The following CAMSAP1 variants were observed in gnomAD, a reference collection of about 807,000 sequenced individuals.
CAMSAP1 encodes the protein calmodulin regulated spectrin associated protein 1.
CAMSAP1 carries 58 observed loss-of-function variants against 143.5 expected under a neutral mutation model. The observed-to-expected ratio is 0.40, with a 90% CI of 0.33 to 0.50. The LOEUF is 0.50. Among genes scored for constraint, CAMSAP1 ranks in the 20% least tolerant of loss-of-function variants. The pLI is 0.45. For missense variants in CAMSAP1, 1,969 were observed against 2,115.7 expected (o/e 0.93, Z 1.36); for synonymous variants, 945 against 859.3 (o/e 1.10, Z -1.74).
intron 2 of CAMSAP1, 48 bp from the exon 3 acceptor site, chr9:135,881,842 C>T: frequency 6.5e-7 from 1 of 1,543,288 alleles, no homozygotes. Context: ...ACCCCTCTTA[C>T]CAGGTTCTGA....
intron 5 of CAMSAP1, among the ~76,000 whole-genome samples, chr9:135,859,188 C>A (rs1837083076): frequency 6.6e-6 from 1 of 152,218 alleles, no homozygotes; most frequent in African/African-American, 2.4e-5. Flanking sequence ...TGCAGTCTCA[C>A]CTGTGGCCTT....
At chr9:135,842,481 T>C (rs142215672) in intron 7 of CAMSAP1, among the ~76,000 whole-genome samples, 26 of 152,106 alleles carry the variant, frequency 1.7e-4, no homozygotes, top group African/African-American at 6.3e-4. Context: ...AACATTCAAA[T>C]TCAGGAAATA....
chr9:135,852,195 C>G (rs900048133), intron 5 of CAMSAP1, among the ~76,000 whole-genome samples: 4 of 152,224 alleles, frequency 2.6e-5, no homozygotes, highest in African/African-American at 9.6e-5. Context: ...TTTTTCTTAC[C>G]GATTCTAGAA....
In CAMSAP1 at chr9:135,907,252, C is replaced by G. The variant is rs1426980343; in HGVS notation, c.-93G>C. 4.7e-6 allele frequency: 4 copies of G among 853,302 alleles called. No homozygotes were observed. Among genetic ancestry groups the G allele is most frequent in the African/African-American group, 1.9e-5 (1 of 54,014 alleles). 52.9% of individuals were successfully genotyped at this position (853,302 alleles called of 1,614,324 possible). ...GCCCGGTGCGCCCCGAGCCACCACT[C>G]GGCCCCGCAGCCGGCCAGCCGGGAG... On this transcript the variant is annotated 5_prime_UTR_variant, in exon 1 of 17. Transcript: ENST00000389532.
chr9:135,867,263 AT>A (rs1184156636), intron 3 of CAMSAP1, among the ~76,000 whole-genome samples: 3 of 152,090 alleles, frequency 2.0e-5, no homozygotes, highest in African/African-American at 7.3e-5. Flanking sequence ...GACAAAAAAA[AT>A]ATAGATAATG....
intron 7 of CAMSAP1, 95 bp downstream of exon 7, chr9:135,850,042 G>T: frequency 2.0e-6 from 2 of 1,003,478 alleles, no homozygotes; most frequent in Non-Finnish European, 2.9e-6. Context: ...CAAGAACTCT[G>T]CTGTGCGAGA....
intron 10 of CAMSAP1, 43 bp from the exon 11 acceptor site, chr9:135,823,303 C>T (rs1189538182): frequency 6.6e-7 from 1 of 1,513,236 alleles, no homozygotes; most frequent in Non-Finnish European, 8.8e-7. Flanking sequence ...GCGGTATACA[C>T]CAAAGACCCC....
chr9:135,821,916 G>A lies in CAMSAP1; in HGVS notation c.2745C>T (p.Phe915=). 1.2e-6 allele frequency: 2 copies of A among 1,613,598 alleles called. No homozygotes were observed. Among genetic ancestry groups the A allele is most frequent in the Non-Finnish European group, 1.7e-6 (2 of 1,179,820 alleles). ...RQRLKLGKAA[F]LHVVKKGKAE... is the part of the protein sequence containing the mutation. ...CCTTGCCCTTCTTCACCACATGCAGGAATGCAGCCTTGCCGAGCTTCAGGC... is the reference window on the plus strand; with the variant it reads ...CCTTGCCCTTCTTCACCACATGCAGAAATGCAGCCTTGCCGAGCTTCAGGC... The change falls in exon 11 of 17, where the codon TTC becomes TTT. Residue 915 remains phenylalanine (F), a synonymous_variant. Coordinates refer to ENST00000389532, the MANE Select transcript of CAMSAP1 (RefSeq NM_015447.4). The surrounding 1 kb of genome is among the most constrained non-coding windows in gnomAD (Gnocchi z 4.6).
chr9:135,836,062 T>C, intron 7 of CAMSAP1: 2 of 966,266 alleles, frequency 2.1e-6, no homozygotes, highest in Non-Finnish European at 2.5e-6. Context: ...TCAGAGCTTC[T>C]CTTATCCGAC....
intron 7 of CAMSAP1, among the ~76,000 whole-genome samples, chr9:135,831,179 A>G (rs1031241323): frequency 6.6e-6 from 1 of 152,224 alleles, no homozygotes; most frequent in African/African-American, 2.4e-5. Context: ...TAAAAAAGTA[A>G]CGGCAAGAAA....
intron 1 of CAMSAP1, among the ~76,000 whole-genome samples, chr9:135,897,497 T>C (rs1838490539): frequency 1.3e-5 from 2 of 152,102 alleles, no homozygotes; most frequent in African/African-American, 2.4e-5. Flanking sequence ...CTCATGAGGA[T>C]GTGAGATGAG....
chr9:135,839,446 G>A (rs760363595), intron 7 of CAMSAP1, among the ~76,000 whole-genome samples: 3 of 152,166 alleles, frequency 2.0e-5, no homozygotes, highest in Non-Finnish European at 4.4e-5. Flanking sequence ...GGAAAGGGAG[G>A]GGTCATCACA....
intron 7 of CAMSAP1, among the ~76,000 whole-genome samples, chr9:135,833,837 G>T (rs1403201932): frequency 3.3e-5 from 5 of 152,146 alleles, no homozygotes; most frequent in African/African-American, 7.2e-5. Context: ...AATGAAAAAG[G>T]TTCTGCAAAG....
chr9:135,901,761 C>G (rs1838626304), intron 1 of CAMSAP1, among the ~76,000 whole-genome samples: 1 of 152,184 alleles, frequency 6.6e-6, no homozygotes, highest in African/African-American at 2.4e-5. Context: ...ACGACATCCC[C>G]CTACTTAAAA....
intron 1 of CAMSAP1, among the ~76,000 whole-genome samples, chr9:135,906,343 G>C (rs1201313013): frequency 6.6e-6 from 1 of 152,248 alleles, no homozygotes; most frequent in African/African-American, 2.4e-5. Flanking sequence ...TAATAAAGAA[G>C]TCAGCCACTG....
intron 11 of CAMSAP1, among the ~76,000 whole-genome samples, chr9:135,819,470 G>A (rs978144310): frequency 6.6e-5 from 10 of 152,076 alleles, no homozygotes; most frequent in Admixed American, 2.0e-4. Flanking sequence ...AGGCTGAGGT[G>A]GGTGAATCAC....
rs372655377 is a variant in CAMSAP1, at chr9:135,838,276, C to T, written c.1046-10692G>A. Among the ~76,000 whole-genome samples the T allele has an allele frequency of 2.7e-5, 4 of 147,140 alleles. No individual in the cohort carries two copies. In the South Asian group the frequency reaches 8.9e-4, roughly 33 times the overall value. On this transcript the variant is annotated intron_variant, in intron 7 of 16. Transcript: ENST00000389532. ...CTACAGACATGTCATCACGCACTTT[C>T]TACCCACTGTACAGACACACATCAT...
chr9:135,853,060 A>G (rs1277133128), intron 5 of CAMSAP1, among the ~76,000 whole-genome samples: 1 of 152,208 alleles, frequency 6.6e-6, no homozygotes, highest in Non-Finnish European at 1.5e-5. Flanking sequence ...AAGCAAAAAC[A>G]GCAAGCTTAG....
At chr9:135,865,379 A>T in intron 4 of CAMSAP1, 1 of 1,550,748 alleles carries the variant, frequency 6.4e-7, no homozygotes, top group South Asian at 1.2e-5. Flanking sequence ...TCAGGAAGCG[A>T]GAGAAGGAAG....
Sources: gnomAD v4.1 joint callset for allele counts (sites outside exome capture counted in the v4.1 genomes callset) on GRCh38, gnomAD v4.1.1 for gene constraint, Gnocchi (gnomAD v3.1) non-coding constraint, MANE v1.5 for transcripts, NCBI Gene and HGNC (gene_info 2026-07-23, HGNC 2026-07-21) for gene names.